LRMDA: variants seen among roughly 807,000 people sequenced by gnomAD.
The protein encoded by LRMDA is leucine-rich melanocyte differentiation-associated protein.
In LRMDA, 18 loss-of-function variants were observed where a neutral mutation model predicts 29.8. The observed-to-expected ratio is 0.60, with a 90% CI of 0.42 to 0.90. The LOEUF (loss-of-function observed/expected upper bound fraction) is 0.90, where lower values mean the gene tolerates loss of function less well. Ranked by LOEUF, LRMDA falls within the 40% of genes least tolerant of loss-of-function variation. LRMDA has a pLI of 0.00. For missense variants in LRMDA, 273 were observed against 273.9 expected (o/e 1.00, Z 0.02); for synonymous variants, 125 against 109.4 (o/e 1.14, Z -0.89).
chr10:75,606,258 T>C (rs1350347688), intron 2 of LRMDA, among the ~76,000 whole-genome samples: 5 of 152,184 alleles, frequency 3.3e-5, no homozygotes, highest in Non-Finnish European at 7.3e-5. Context: ...TGCTCTTGCA[T>C]GGGTATGTCT....
At chr10:75,882,800 C>T (rs146554526) in intron 2 of LRMDA, 1 of 152,410 alleles carries the variant, frequency 6.6e-6, no homozygotes, top group East Asian at 1.9e-4. Flanking sequence ...CAATTCCTCT[C>T]CCCCTTCCAG....
chr10:76,006,098 G>A (rs566787599), intron 2 of LRMDA, among the ~76,000 whole-genome samples: 1 of 152,210 alleles, frequency 6.6e-6, no homozygotes, highest in East Asian at 1.9e-4. Context: ...AATGAGAAAA[G>A]TTGATGGGGC....
chr10:76,179,121 C>G (rs529701786), intron 5 of LRMDA, among the ~76,000 whole-genome samples: 1 of 152,288 alleles, frequency 6.6e-6, no homozygotes, highest in Non-Finnish European at 1.5e-5. Context: ...CTTTCCATTT[C>G]CTTTTCCTTT....
At chr10:75,519,702 T>A (rs1348780522) in intron 2 of LRMDA, among the ~76,000 whole-genome samples, 1 of 152,244 alleles carries the variant, frequency 6.6e-6, no homozygotes, top group African/African-American at 2.4e-5. Context: ...TATTGTTATG[T>A]GTGAATTTGA....
intron 2 of LRMDA, among the ~76,000 whole-genome samples, chr10:75,833,232 A>G (rs1218635504): frequency 3.3e-5 from 5 of 152,238 alleles, no homozygotes; most frequent in African/African-American, 1.2e-4. Flanking sequence ...CATATCATGG[A>G]TCACCTGACT....
chr10:76,219,009 G>A (rs1851778797), intron 5 of LRMDA, among the ~76,000 whole-genome samples: 1 of 152,126 alleles, frequency 6.6e-6, no homozygotes, highest in Non-Finnish European at 1.5e-5. Context: ...ATGTTGGGAG[G>A]AACTATGAGT....
intron 5 of LRMDA, among the ~76,000 whole-genome samples, chr10:76,157,287 G>A (rs1214245990): frequency 6.6e-6 from 1 of 152,104 alleles, no homozygotes; most frequent in Admixed American, 6.6e-5. Flanking sequence ...TTTTGCCATA[G>A]TATATTTCAA....
intron 6 of LRMDA, among the ~76,000 whole-genome samples, chr10:76,389,212 C>A (rs896979672): frequency 6.6e-6 from 1 of 152,146 alleles, no homozygotes; most frequent in African/African-American, 2.4e-5. Flanking sequence ...AGAAAGCCCC[C>A]AGGCAAGTGA....
intron 2 of LRMDA, among the ~76,000 whole-genome samples, chr10:75,929,614 C>G (rs533154296): frequency 6.6e-6 from 1 of 152,124 alleles, no homozygotes; most frequent in East Asian, 1.9e-4. Context: ...CTATTAGGGC[C>G]CTGGTCCACA....
chr10:76,493,412 C>G (rs1055393907), intron 6 of LRMDA, among the ~76,000 whole-genome samples: 5 of 152,046 alleles, frequency 3.3e-5, no homozygotes, highest in Non-Finnish European at 5.9e-5. Context: ...GGTTCCCACT[C>G]TGGCTCAGGG....
chr10:75,668,981 G>C (rs1841859503), intron 2 of LRMDA, among the ~76,000 whole-genome samples: 1 of 152,168 alleles, frequency 6.6e-6, no homozygotes, highest in Non-Finnish European at 1.5e-5. Flanking sequence ...GCTCAAGTTT[G>C]TAAATGTCTC....
intron 2 of LRMDA, among the ~76,000 whole-genome samples, chr10:75,487,153 C>A (rs1347469980): frequency 6.6e-6 from 1 of 152,156 alleles, no homozygotes; most frequent in Non-Finnish European, 1.5e-5. Flanking sequence ...AATAATTAAG[C>A]AGTTCTTTCT....
intron 6 of LRMDA, among the ~76,000 whole-genome samples, chr10:76,511,197 G>A (rs1273559833): frequency 6.6e-6 from 1 of 152,158 alleles, no homozygotes; most frequent in East Asian, 1.9e-4. Context: ...GCTTTCTAGG[G>A]AGAGCAGAGG....
chr10:76,272,458 C>T (rs1840079989), intron 5 of LRMDA, among the ~76,000 whole-genome samples: 1 of 152,092 alleles, frequency 6.6e-6, no homozygotes, highest in Non-Finnish European at 1.5e-5. Context: ...TTATACGTAC[C>T]ATGAATGGCT....
intron 5 of LRMDA, among the ~76,000 whole-genome samples, chr10:76,261,064 CTT>C (rs58554883): frequency 1.7e-5 from 2 of 117,702 alleles, no homozygotes; most frequent in Non-Finnish European, 3.4e-5. Context: ...CTTTTCTTTT[CTT>C]TTTTTTTTTT....
intron 2 of LRMDA, among the ~76,000 whole-genome samples, chr10:75,893,810 T>G (rs1845535967): frequency 6.6e-6 from 1 of 152,048 alleles, no homozygotes; most frequent in Non-Finnish European, 1.5e-5. Flanking sequence ...GGCATGTGCC[T>G]GTAATCCCAG....
chr10:76,465,255 G>T (rs1407147839), intron 6 of LRMDA, among the ~76,000 whole-genome samples: 1 of 152,142 alleles, frequency 6.6e-6, no homozygotes, highest in East Asian at 1.9e-4. Flanking sequence ...ATGGGCATAT[G>T]AGCTCCAAGA....
chr10:76,307,423 C>T (rs1021000535), intron 5 of LRMDA, among the ~76,000 whole-genome samples: 8 of 152,102 alleles, frequency 5.3e-5, no homozygotes, highest in African/African-American at 1.9e-4. Context: ...AAGACTTACA[C>T]AGGAGGTCGT....
chr10:76,486,334 A>G (rs2579723), intron 6 of LRMDA, among the ~76,000 whole-genome samples: 55,454 of 151,714 alleles, frequency 0.37, 11,297 homozygotes, highest in Middle Eastern at 0.54. Flanking sequence ...TGCATGCATT[A>G]GTCAAGGCTT....
Sources: allele counts gnomAD v4.1 joint callset (sites outside exome capture counted in the v4.1 genomes callset), GRCh38; gene constraint gnomAD v4.1.1; transcripts MANE v1.5; gene names NCBI Gene and HGNC (gene_info 2026-07-23, HGNC 2026-07-21).